ROBO2: variants seen among roughly 807,000 people sequenced by gnomAD.
ROBO2 encodes roundabout homolog 2.
A neutral mutation model predicts 160.8 loss-of-function variants in ROBO2; 53 were observed. That is an observed-to-expected ratio of 0.33 (90% CI 0.26 to 0.41). The LOEUF (loss-of-function observed/expected upper bound fraction) is 0.41, where lower values mean the gene tolerates loss of function less well. Ranked by LOEUF, ROBO2 falls within the 10% of genes least tolerant of loss-of-function variation. The pLI is 1.00. For missense variants in ROBO2, 1,577 were observed against 1,722.4 expected, an observed-to-expected ratio of 0.92 and a Z score of 1.49; for synonymous variants, 664 against 611.7, an observed-to-expected ratio of 1.09 and a Z score of -1.26.
At chr3:76,781,102 T>C (rs570015763) in intron 2 of ROBO2, among the ~76,000 whole-genome samples, 1 of 150,996 alleles carries the variant, frequency 6.6e-6, no homozygotes, top group South Asian at 2.1e-4. Context: ...ATCAGTGTTT[T>C]ACAGTTTTTC....
intron 2 of ROBO2, among the ~76,000 whole-genome samples, chr3:77,187,155 T>A (rs535345976): frequency 6.6e-6 from 1 of 152,120 alleles, no homozygotes; most frequent in East Asian, 1.9e-4. Flanking sequence ...AAATAAGACA[T>A]CTATATTAAA....
At chr3:77,213,437 T>C (rs1479840952) in intron 2 of ROBO2, among the ~76,000 whole-genome samples, 2 of 152,144 alleles carry the variant, frequency 1.3e-5, no homozygotes, top group African/African-American at 2.4e-5. Flanking sequence ...CCCTTTATCA[T>C]TTTTTATTGC....
chr3:76,152,935 A>G (rs1262632318), intron 2 of ROBO2, among the ~76,000 whole-genome samples: 2 of 152,158 alleles, frequency 1.3e-5, no homozygotes, highest in Non-Finnish European at 2.9e-5. Context: ...TTAAATTTAG[A>G]TCTGCCTTCT....
intron 23 of ROBO2, chr3:77,634,173 A>AT (rs1430489377): frequency 1.3e-5 from 2 of 152,476 alleles, no homozygotes; most frequent in African/African-American, 4.8e-5. Context: ...GACACAGCAC[A>AT]TATCATTTTT....
At chr3:77,314,135 A>T (rs894107167) in intron 2 of ROBO2, among the ~76,000 whole-genome samples, 1 of 152,206 alleles carries the variant, frequency 6.6e-6, no homozygotes, top group Non-Finnish European at 1.5e-5. Flanking sequence ...GTTACAACTC[A>T]TAGGCCACAA....
At chr3:77,260,625 T>C (rs955095317) in intron 2 of ROBO2, among the ~76,000 whole-genome samples, 12 of 152,200 alleles carry the variant, frequency 7.9e-5, no homozygotes, top group African/African-American at 2.4e-4. Context: ...TAGCGTGTTA[T>C]ATCCAGCAAA....
At chr3:77,374,800 G>A (rs575458128) in intron 2 of ROBO2, among the ~76,000 whole-genome samples, 32 of 152,246 alleles carry the variant, frequency 2.1e-4, no homozygotes, top group Non-Finnish European at 4.0e-4. Context: ...TAATCCAAAA[G>A]TAATTCAGCA....
intron 2 of ROBO2, among the ~76,000 whole-genome samples, chr3:76,751,819 T>C (rs2060669330): frequency 2.0e-5 from 3 of 152,064 alleles, no homozygotes; most frequent in Non-Finnish European, 4.4e-5. Flanking sequence ...TGTGGAGAAA[T>C]AGGAACACTT....
intron 2 of ROBO2, among the ~76,000 whole-genome samples, chr3:76,754,491 A>C (rs1039265419): frequency 6.6e-6 from 1 of 151,836 alleles, no homozygotes; most frequent in East Asian, 2.0e-4. Context: ...TTTATGTTCT[A>C]GTGTGCCTGG....
At chr3:76,948,874 T>TTATATATATATA (rs71104642) in intron 2 of ROBO2, among the ~76,000 whole-genome samples, 68 of 48,580 alleles carry the variant, frequency 1.4e-3, no homozygotes, top group African/African-American at 3.4e-3. Flanking sequence ...CCGGCTAATT[T>TTATATATATATA]TATATATATA....
chr3:77,520,830 C>T (rs1242345644), intron 5 of ROBO2, among the ~76,000 whole-genome samples: 1 of 151,326 alleles, frequency 6.6e-6, no homozygotes, highest in Non-Finnish European at 1.5e-5. Flanking sequence ...AATACATCAC[C>T]AGTAACTTTT....
intron 2 of ROBO2, among the ~76,000 whole-genome samples, chr3:76,880,254 G>A (rs547668714): frequency 6.6e-6 from 1 of 152,112 alleles, no homozygotes; most frequent in South Asian, 2.1e-4. Context: ...TTCATAATCA[G>A]CTTGGAACAG....
chr3:76,096,011 A>G (rs79643570), intron 2 of ROBO2, among the ~76,000 whole-genome samples: 1,545 of 152,298 alleles, frequency 0.01, 13 homozygotes, highest in Non-Finnish European at 0.016. Context: ...GGTATTAAAG[A>G]ATATCCTCAT....
intron 2 of ROBO2, among the ~76,000 whole-genome samples, chr3:76,024,455 G>A (rs764321736): frequency 2.0e-5 from 3 of 151,284 alleles, no homozygotes; most frequent in Non-Finnish European, 3.0e-5. Context: ...TTTGCAAGTA[G>A]TTAGTTTCTG....
intron 2 of ROBO2, among the ~76,000 whole-genome samples, chr3:77,416,733 A>G (rs1163780041): frequency 1.3e-5 from 2 of 151,732 alleles, no homozygotes; most frequent in Non-Finnish European, 2.9e-5. Flanking sequence ...AAAAAAAAAA[A>G]AAAAGAAAGG....
At chr3:76,394,266 A>G (rs549532505) in intron 2 of ROBO2, among the ~76,000 whole-genome samples, 69 of 152,168 alleles carry the variant, frequency 4.5e-4, no homozygotes, top group Non-Finnish European at 4.1e-4. Flanking sequence ...GGCTGGTACC[A>G]GTTGTTCCTT....
intron 2 of ROBO2, among the ~76,000 whole-genome samples, chr3:77,433,307 G>A (rs945420194): frequency 1.3e-5 from 2 of 151,658 alleles, no homozygotes; most frequent in Non-Finnish European, 2.9e-5. Context: ...TTAGCTAGGA[G>A]AGTTAACCAT....
chr3:76,000,522 T>C (rs1238532626), intron 2 of ROBO2, among the ~76,000 whole-genome samples: 2 of 147,056 alleles, frequency 1.4e-5, no homozygotes, highest in Non-Finnish European at 3.0e-5. Context: ...GGACTCTCAC[T>C]CTGTCCCCCA....
chr3:76,720,376 G>T (rs1353767463), intron 2 of ROBO2, among the ~76,000 whole-genome samples: 2 of 152,182 alleles, frequency 1.3e-5, no homozygotes, highest in Non-Finnish European at 2.9e-5. Flanking sequence ...CACTAGATTG[G>T]TTATGTGGGT....
Sources: gnomAD v4.1 joint callset for allele counts (sites outside exome capture counted in the v4.1 genomes callset) on GRCh38, gnomAD v4.1.1 for gene constraint, MANE v1.5 for transcripts, NCBI Gene and HGNC (gene_info 2026-07-23, HGNC 2026-07-21) for gene names.